The following CASTOR2 variants were observed in gnomAD, a reference collection of about 807,000 sequenced individuals.
CASTOR2 encodes GATS protein like 2.
In CASTOR2, 8 loss-of-function variants were observed where a neutral mutation model predicts 31.2. The ratio of observed to expected loss-of-function variants is 0.26; its 90% CI spans 0.15 to 0.46. The LOEUF (loss-of-function observed/expected upper bound fraction) is 0.46, where lower values mean the gene tolerates loss of function less well. Among genes scored for constraint, CASTOR2 ranks in the 20% least tolerant of loss-of-function variants. CASTOR2 has a pLI of 0.99. For missense variants in CASTOR2, 216 were observed against 382.1 expected, an observed-to-expected ratio of 0.57 and a Z score of 3.62; for synonymous variants, 162 against 158.7, an observed-to-expected ratio of 1.02 and a Z score of -0.16.
At chr7:74,974,378 G>C (rs1221632667) in intron 1 of CASTOR2, among the ~76,000 whole-genome samples, 1 of 150,264 alleles carries the variant, frequency 6.7e-6, no homozygotes, top group South Asian at 2.1e-4. Flanking sequence ...GGGAGGAAAA[G>C]ACGTGAGTCC....
rs950203184 is a variant in CASTOR2 at position 75,031,528 on chromosome 7, A to C, written c.*6829A>C. 4.6e-5 allele frequency among the ~76,000 whole-genome samples: 7 copies of C among 150,606 alleles called. No individual in the cohort carries two copies. Among genetic ancestry groups the C allele is most frequent in the Admixed American group, 2.6e-4 (4 of 15,130 alleles). On this transcript the variant is annotated 3_prime_UTR_variant, in exon 9 of 9. Transcript: ENST00000616305. ...GTGTTAATTAAAATGAAAAAAAAAA[A>C]CGATGCTGGCTGGTGGCCGTCTGGT...
In CASTOR2 at chr7:74,987,631, C is replaced by G. The variant is rs1407216901; in HGVS notation, c.114-20363C>G. ...CTCCCGAGGGCTTGTTCATCACCCC[C>G]GTGGGGAGTCAGGCCCCTCTCACAG... On this transcript the variant is annotated intron_variant, in intron 1 of 8. Coordinates refer to ENST00000616305, the MANE Select transcript of CASTOR2 (RefSeq NM_001145064.3). 7.9e-5 allele frequency among the ~76,000 whole-genome samples: 12 copies of G among 152,304 alleles called. No homozygotes were observed. In the South Asian group the frequency reaches 2.5e-3, roughly 32 times the overall value.
Position 75,019,018 on chromosome 7 carries a change from C to T in CASTOR2, c.558C>T (p.Phe186=). Residue 186 remains phenylalanine, a synonymous_variant, in exon 5 of 9, where the codon TTC becomes TTT. Transcript: ENST00000616305. ...IHPLSSPSNR[F]CVTSLDPDTL... is the part of the protein sequence containing the mutation. ...CACTGTCCAGCCCGAGCAACAGGTT[C>T]TGTGTCACCAGCCTGGACCCTGACA... 1 of 1,551,988 alleles carries T rather than the reference C, an allele frequency of 6.4e-7. No homozygotes were observed. The highest frequency in any genetic ancestry group is 8.7e-7 in the Non-Finnish European group (1 of 1,147,074).
At chr7:75,019,427 A>G (rs1396895081) in intron 5 of CASTOR2, among the ~76,000 whole-genome samples, 1 of 152,032 alleles carries the variant, frequency 6.6e-6, no homozygotes, top group African/African-American at 2.4e-5. Flanking sequence ...GAGGTAGGAG[A>G]CACAGACCCA....
At chr7:75,021,166 A>G (rs1241730755) in intron 6 of CASTOR2, among the ~76,000 whole-genome samples, 4 of 151,758 alleles carry the variant, frequency 2.6e-5, no homozygotes, top group Admixed American at 2.6e-4. Context: ...TTATTTTTGT[A>G]TTTTTTGTAG....
chr7:74,999,601 C>CTTTTTTTTTTTTTT (rs1158456043), intron 1 of CASTOR2, among the ~76,000 whole-genome samples: 1 of 45,758 alleles, frequency 2.2e-5, no homozygotes, highest in Non-Finnish European at 3.4e-5. Flanking sequence ...TCACTCACTG[C>CTTTTTTTTTTTTTT]TTTTTTTTTT....
Position 74,993,496 on chromosome 7 carries a change from G to A in CASTOR2, c.114-14498G>A, listed in dbSNP as rs1342148160. ...GAGCGAGTCTCACTGTGTCACCCAGGCTGGAGTGCAGTGGTGTGATCTCTG... is the reference window on the plus strand; with the variant it reads ...GAGCGAGTCTCACTGTGTCACCCAGACTGGAGTGCAGTGGTGTGATCTCTG... On this transcript the variant is annotated intron_variant, in intron 1 of 8. Transcript: ENST00000616305. Among the ~76,000 whole-genome samples, 6 of 143,574 alleles carry A rather than the reference G, an allele frequency of 4.2e-5. No homozygotes were observed. In the Admixed American group the frequency reaches 4.3e-4, roughly 10 times the overall value. The allele number at this position is 143,574 out of a possible 152,430, so 94.2% of individuals were successfully genotyped here. A position where few individuals can be genotyped will look rare whatever the true frequency, so the allele number is the denominator to read the frequency against.
Position 75,018,965 on chromosome 7 carries a change from C to T in CASTOR2, c.512-7C>T. On this transcript the variant is annotated splice_region_variant and splice_polypyrimidine_tract_variant and intron_variant, in intron 4 of 8. Coordinates refer to ENST00000616305, the MANE Select transcript of CASTOR2 (RefSeq NM_001145064.3). The stretch of plus-strand genomic sequence containing the variant: ...CCTCAGTGCCTGACATCTTTGTGCT[C>T]TTACAGTCCAGAGGCCAGTCATCCA... The T allele has an allele frequency of 1.3e-6, 2 of 1,551,916 alleles. No homozygotes were observed.
intron 1 of CASTOR2, among the ~76,000 whole-genome samples, chr7:74,992,315 T>C (rs1804231048): frequency 6.6e-6 from 1 of 152,162 alleles, no homozygotes; most frequent in Non-Finnish European, 1.5e-5. Context: ...ATCAAGGAAC[T>C]GTAGGGCCCT....
At position 75,026,759 on chromosome 7, in the gene CASTOR2, G is replaced by A. The variant is rs1240090265; in HGVS notation, c.*2060G>A. ...GGAGGTGGCCAAGTGGGGCAGGGCT[G>A]TGGTGGAAGCCCTGAGTCCCCTTTC... On this transcript the variant is annotated 3_prime_UTR_variant, in exon 9 of 9. Transcript: ENST00000616305. 6.6e-6 allele frequency among the ~76,000 whole-genome samples: 1 copy of A among 152,102 alleles called. No individual in the cohort carries two copies. Among genetic ancestry groups the A allele is most frequent in the Non-Finnish European group, 1.5e-5 (1 of 68,024 alleles).
intron 7 of CASTOR2, among the ~76,000 whole-genome samples, chr7:75,022,918 T>A (rs1296061511): frequency 2.6e-5 from 4 of 152,264 alleles, no homozygotes; most frequent in Non-Finnish European, 5.9e-5. Context: ...GGCAATTTTT[T>A]AACATGTTTT....
At chr7:74,981,563 G>GC (rs1206413166) in intron 1 of CASTOR2, among the ~76,000 whole-genome samples, 2 of 145,006 alleles carry the variant, frequency 1.4e-5, no homozygotes, top group African/African-American at 2.5e-5. Flanking sequence ...CTCCAGGCAG[G>GC]CCCTCCTTGG....
At chr7:75,012,346 A>G (rs1804770278) in intron 2 of CASTOR2, among the ~76,000 whole-genome samples, 1 of 152,110 alleles carries the variant, frequency 6.6e-6, no homozygotes, top group Non-Finnish European at 1.5e-5. Context: ...CTCTGTCCCC[A>G]GACTGGAGTG....
chr7:75,015,785 G>A (rs1223852118), intron 2 of CASTOR2, among the ~76,000 whole-genome samples: 4 of 151,958 alleles, frequency 2.6e-5, no homozygotes, highest in African/African-American at 4.8e-5. Flanking sequence ...ACCCTGCCTC[G>A]GCCAGGCGCG....
At chr7:74,970,279 C>CATCT (rs1803650707) in intron 1 of CASTOR2, among the ~76,000 whole-genome samples, 1 of 142,614 alleles carries the variant, frequency 7.0e-6, no homozygotes, top group East Asian at 2.2e-4. Context: ...TTTGGAGGAG[C>CATCT]ATCTGGGTGT....
chr7:75,005,390 A>G (rs1239717461), intron 1 of CASTOR2, among the ~76,000 whole-genome samples: 5 of 152,224 alleles, frequency 3.3e-5, no homozygotes, highest in African/African-American at 1.2e-4. Flanking sequence ...AATGCACTTT[A>G]GATCTACCCA....
intron 7 of CASTOR2, 104 bp downstream of exon 7, chr7:75,022,060 T>G: frequency 7.4e-7 from 1 of 1,357,226 alleles, no homozygotes; most frequent in South Asian, 1.2e-5. Context: ...GGGGTACAGA[T>G]GGGGAGACTG....
At chr7:74,979,409 T>A (rs1223378330) in intron 1 of CASTOR2, among the ~76,000 whole-genome samples, 2 of 147,616 alleles carry the variant, frequency 1.4e-5, no homozygotes, top group African/African-American at 5.0e-5. Flanking sequence ...TTTTTTTTTT[T>A]TTTGAGACGG....
intron 1 of CASTOR2, among the ~76,000 whole-genome samples, chr7:74,992,758 C>G (rs1393015611): frequency 6.6e-6 from 1 of 151,946 alleles, no homozygotes; most frequent in African/African-American, 2.4e-5. Context: ...TTTAAATCAG[C>G]CTGGTATGGT....
Sources: allele counts gnomAD v4.1 joint callset (sites outside exome capture counted in the v4.1 genomes callset), GRCh38; gene constraint gnomAD v4.1.1; transcripts MANE v1.5; gene names NCBI Gene and HGNC (gene_info 2026-07-23, HGNC 2026-07-21).